Variants in PEX7 observed in about 807,000 individuals in gnomAD.
PEX7 encodes the protein peroxisomal biogenesis factor 7.
In PEX7, 34 loss-of-function variants were observed where a neutral mutation model predicts 47.5. That is an observed-to-expected ratio of 0.72 (90% CI 0.54 to 0.95). The LOEUF is 0.95. Among genes scored for constraint, PEX7 ranks in the 40% least tolerant of loss-of-function variants. The pLI is 0.00. For synonymous variants in PEX7, 141 were observed against 148.8 expected, an observed-to-expected ratio of 0.95 and a Z score of 0.38; for missense variants, 394 against 400.3, an observed-to-expected ratio of 0.98 and a Z score of 0.13.
chr6:136,904,520 C>T (rs573626246), intron 9 of PEX7, among the ~76,000 whole-genome samples: 34 of 152,088 alleles, frequency 2.2e-4, no homozygotes, highest in African/African-American at 6.3e-4. Flanking sequence ...GGGAGGAACC[C>T]GGTGGGAGGT....
intron 9 of PEX7, among the ~76,000 whole-genome samples, chr6:136,908,969 C>T (rs968198208): frequency 1.2e-4 from 18 of 152,158 alleles, no homozygotes; most frequent in African/African-American, 4.1e-4. Context: ...CCCTCACATT[C>T]GATTATAATG....
intron 9 of PEX7, among the ~76,000 whole-genome samples, chr6:136,902,560 A>C (rs1477461805): frequency 2.6e-5 from 4 of 152,138 alleles, no homozygotes; most frequent in African/African-American, 9.7e-5. Flanking sequence ...ACCAGGCTGA[A>C]GGCATCGTTT....
At chr6:136,875,162 T>TC in intron 8 of PEX7, among the ~76,000 whole-genome samples, 1 of 151,714 alleles carries the variant, frequency 6.6e-6, no homozygotes, top group African/African-American at 2.4e-5. Flanking sequence ...AAAAGAACTT[T>TC]TTTTTTTTAT....
At chr6:136,892,649 T>C (rs556965683) in intron 8 of PEX7, among the ~76,000 whole-genome samples, 28 of 152,148 alleles carry the variant, frequency 1.8e-4, no homozygotes, top group Non-Finnish European at 3.7e-4. Flanking sequence ...CTTTTATACA[T>C]GCAAAAGATA....
At position 136,866,082 on chromosome 6, in the gene PEX7, G is replaced by A. The variant is rs6915574; in HGVS notation, c.527-545G>A. Among the ~76,000 whole-genome samples the A allele has an allele frequency of 5.8e-3, 880 of 151,550 alleles. 12 individuals carry two copies. The highest frequency in any genetic ancestry group is 0.02 in the African/African-American group (823 of 41,380). On this transcript the variant is annotated intron_variant, in intron 5 of 9. Coordinates refer to ENST00000318471, the MANE Select transcript of PEX7 (RefSeq NM_000288.4). ...TGGCGACAGAGTGAGACTCTGTCTCGAAATAAATAAATAAATACATAAAAA... is the reference window on the plus strand; with the variant it reads ...TGGCGACAGAGTGAGACTCTGTCTCAAAATAAATAAATAAATACATAAAAA...
At chr6:136,892,845 T>G (rs1775580539) in intron 8 of PEX7, among the ~76,000 whole-genome samples, 1 of 152,224 alleles carries the variant, frequency 6.6e-6, no homozygotes. Context: ...TTCTTCTGCC[T>G]AAATAAATCT....
At chr6:136,864,150 T>A (rs1040150963) in intron 5 of PEX7, among the ~76,000 whole-genome samples, 8 of 152,130 alleles carry the variant, frequency 5.3e-5, no homozygotes, top group African/African-American at 1.7e-4. Flanking sequence ...TACTTTTATA[T>A]CTCCAAATTC....
chr6:136,856,577 A>G (rs1402079695), intron 5 of PEX7, among the ~76,000 whole-genome samples: 1 of 152,182 alleles, frequency 6.6e-6, no homozygotes, highest in Non-Finnish European at 1.5e-5. Context: ...ATTTTCTGTC[A>G]TGGGCTCTGA....
chr6:136,898,570 A>G (rs1025459703), intron 9 of PEX7, among the ~76,000 whole-genome samples: 10 of 152,174 alleles, frequency 6.6e-5, no homozygotes, highest in African/African-American at 9.6e-5. Flanking sequence ...GGCAGGAGTC[A>G]GGAGCATGTG....
At chr6:136,893,337 C>A (rs1191176163) in intron 8 of PEX7, among the ~76,000 whole-genome samples, 1 of 152,178 alleles carries the variant, frequency 6.6e-6, no homozygotes, top group Non-Finnish European at 1.5e-5. Flanking sequence ...CACTGTCAGG[C>A]TCCTTGCAGA....
At chr6:136,907,235 C>G (rs1321735177) in intron 9 of PEX7, among the ~76,000 whole-genome samples, 2 of 152,088 alleles carry the variant, frequency 1.3e-5, no homozygotes. Flanking sequence ...ATGTCAACCA[C>G]CTGATACATA....
In PEX7 at chr6:136,869,995, A is replaced by G; in HGVS notation, c.739A>G (p.Arg247Gly). Residue 247 changes from arginine to glycine, a missense_variant, in exon 7 of 10, where the codon AGG (arginine) becomes GGG (glycine). By Grantham distance (125) the Arg-to-Gly change is moderately radical. Transcript: ENST00000318471. ...ELLGHTYAIR[R>G]VKFSPFHASV... ...TCTTGGTCATACCTATGCTATTAGG[A>G]GGGTGAAAGTAAGTTTTCATCTTTT... is the stretch of plus-strand genomic sequence containing the variant. 1 of 1,591,300 alleles carries G rather than the reference A, an allele frequency of 6.3e-7. No homozygotes were observed. The highest frequency in any genetic ancestry group is 8.6e-7 in the Non-Finnish European group (1 of 1,159,706).
At chr6:136,828,773 A>G (rs150343628) in intron 3 of PEX7, among the ~76,000 whole-genome samples, 11 of 152,296 alleles carry the variant, frequency 7.2e-5, no homozygotes, top group African/African-American at 2.4e-4. Context: ...AGCTCTAATA[A>G]TATTACCTAA....
chr6:136,845,721 G>A (rs781067011), intron 4 of PEX7, 29 bp downstream of exon 4: 8 of 1,309,364 alleles, frequency 6.1e-6, no homozygotes, highest in Non-Finnish European at 8.9e-6. Flanking sequence ...ATTCAAAAAC[G>A]AATATTCCCT....
chr6:136,904,276 T>C (rs1179326043), intron 9 of PEX7, among the ~76,000 whole-genome samples: 3 of 152,196 alleles, frequency 2.0e-5, no homozygotes, highest in African/African-American at 7.2e-5. Context: ...ATTGATGCTT[T>C]CATAATTGTG....
Position 136,872,339 on chromosome 6 carries a change from T to C in PEX7, c.803+86T>C, listed in dbSNP as rs1208674320. 1.9e-5 allele frequency: 18 copies of C among 946,088 alleles called. No individual in the cohort carries two copies. In the East Asian group the frequency reaches 4.4e-4, roughly 23 times the overall value. The allele number at this position is 946,088 out of a possible 1,614,324, so 58.6% of individuals were successfully genotyped here. A position where few individuals can be genotyped will look rare whatever the true frequency, so the allele number is the denominator to read the frequency against. ...CTTTTATAAGAGATAATATGATTAC[T>C]CTTACTAACATGAAAATAATCTGAG... On this transcript the variant is annotated intron_variant, in intron 8 of 9. Transcript: ENST00000318471.
chr6:136,913,839 G>T lies in PEX7; in HGVS notation c.*313G>T. 7.8e-6 allele frequency: 2 copies of T among 258,054 alleles called. No individual in the cohort carries two copies. The highest frequency in any genetic ancestry group is 6.6e-5 in the South Asian group (1 of 15,186). 16.0% of individuals were successfully genotyped at this position (258,054 alleles called of 1,614,324 possible). On this transcript the variant is annotated 3_prime_UTR_variant, in exon 10 of 10. Transcript: ENST00000318471. ...GAGATCAGTAGGTTATACTTATATA[G>T]ATAGTGATATATTTCATTTTTAATT...
chr6:136,894,779 A>G (rs576713082), intron 8 of PEX7, among the ~76,000 whole-genome samples: 1 of 152,356 alleles, frequency 6.6e-6, no homozygotes, highest in South Asian at 2.1e-4. Flanking sequence ...TTGGAGGCTT[A>G]TCCAGTATAT....
At chr6:136,885,933 G>T (rs1209439834) in intron 8 of PEX7, among the ~76,000 whole-genome samples, 1 of 152,116 alleles carries the variant, frequency 6.6e-6, no homozygotes, top group African/African-American at 2.4e-5. Flanking sequence ...GATGCTAATA[G>T]TACCCACCAC....
Sources: gnomAD v4.1 joint callset for allele counts (sites outside exome capture counted in the v4.1 genomes callset) on GRCh38, gnomAD v4.1.1 for gene constraint, MANE v1.5 for transcripts, NCBI Gene and HGNC (gene_info 2026-07-23, HGNC 2026-07-21) for gene names.